CHODL: variants seen among roughly 807,000 people sequenced by gnomAD.
CHODL encodes the protein transmembrane protein MT75.
In CHODL, 29 loss-of-function variants were observed where a neutral mutation model predicts 34.5. The observed-to-expected ratio is 0.84, with a 90% CI of 0.63 to 1.15. The LOEUF is 1.15. CHODL is among the 50% of genes most tolerant of loss of function. The pLI, the probability that CHODL is intolerant of heterozygous loss-of-function variation, is 0.00. For missense variants in CHODL, 332 were observed against 332.5 expected (o/e 1.00, Z 0.01); for synonymous variants, 125 against 116.1 (o/e 1.08, Z -0.49).
chr21:17,967,465 A>G (rs1337174579), intron 1 of CHODL, among the ~76,000 whole-genome samples: 1 of 152,028 alleles, frequency 6.6e-6, no homozygotes, highest in Admixed American at 6.6e-5. Context: ...GAGTGTTTTT[A>G]TTTTCAGTTT....
intron 1 of CHODL, among the ~76,000 whole-genome samples, chr21:18,254,003 C>T (rs927130938): frequency 3.9e-5 from 6 of 152,078 alleles, no homozygotes; most frequent in African/African-American, 1.2e-4. Flanking sequence ...AGTTAATGAC[C>T]TTCCACTGAT....
At chr21:18,209,203 T>C (rs1400638478) in intron 2 of CHODL, among the ~76,000 whole-genome samples, 2 of 152,154 alleles carry the variant, frequency 1.3e-5, no homozygotes, top group Non-Finnish European at 2.9e-5. Context: ...GGTGCTCTAT[T>C]CTACTGTGGC....
intron 1 of CHODL, among the ~76,000 whole-genome samples, chr21:17,930,150 G>A (rs577109916): frequency 6.6e-6 from 1 of 152,234 alleles, no homozygotes; most frequent in East Asian, 1.9e-4. Flanking sequence ...GCACACCTCA[G>A]TGGTGGATAC....
chr21:18,179,792 C>T (rs1173956892), intron 2 of CHODL, among the ~76,000 whole-genome samples: 2 of 152,038 alleles, frequency 1.3e-5, no homozygotes, highest in Non-Finnish European at 1.5e-5. Context: ...AAAATATTTC[C>T]ATTTTTTGTC....
At chr21:18,149,643 A>T (rs1017164373) in intron 2 of CHODL, among the ~76,000 whole-genome samples, 9 of 152,196 alleles carry the variant, frequency 5.9e-5, no homozygotes, top group African/African-American at 9.6e-5. Context: ...TATCAAATTA[A>T]TTTCACATAT....
At chr21:18,205,347 G>T (rs2073700010) in intron 2 of CHODL, among the ~76,000 whole-genome samples, 1 of 152,148 alleles carries the variant, frequency 6.6e-6, no homozygotes, top group East Asian at 1.9e-4. Flanking sequence ...ATGATCATAT[G>T]GTTTTTTGAC....
intron 1 of CHODL, among the ~76,000 whole-genome samples, chr21:17,967,035 C>A (rs2063577799): frequency 6.6e-6 from 1 of 152,002 alleles, no homozygotes; most frequent in Non-Finnish European, 1.5e-5. Flanking sequence ...CAGGCACCCA[C>A]CACCATGCCT....
At position 18,266,413 on chromosome 21, in the gene CHODL, G is replaced by A. The variant is rs572257906; in HGVS notation, c.*375G>A. On this transcript the variant is annotated 3_prime_UTR_variant, in exon 6 of 6. Coordinates refer to ENST00000299295, the MANE Select transcript of CHODL (RefSeq NM_024944.3). ...TAGTCAATGTAATGTATATTGTATT[G>A]AAATTTACAGTGTGCAAAAGTATTT... 1.9e-5 allele frequency: 6 copies of A among 320,402 alleles called. No homozygotes were observed. Among genetic ancestry groups the A allele is most frequent in the Non-Finnish European group, 2.9e-5 (5 of 173,474 alleles). 19.8% of individuals were successfully genotyped at this position (320,402 alleles called of 1,614,324 possible).
rs188260841 is a variant in CHODL, at chr21:17,972,693, A to G, written c.-144-55179A>G. On this transcript the variant is annotated intron_variant, in intron 1 of 6. Coordinates refer to the CHODL transcript ENST00000400127. ...TCATGCTCGTGGATAGGAAGAATCA[A>G]TATCGTGAAAATGTCCATACTACCC... Among the ~76,000 whole-genome samples, 238 of 152,360 alleles carry G rather than the reference A, an allele frequency of 1.6e-3. 1 individual carries two copies. Among genetic ancestry groups the G allele is most frequent in the Non-Finnish European group, 2.6e-3 (177 of 68,040 alleles).
At chr21:18,220,388 A>C (rs1488269622) in intron 2 of CHODL, among the ~76,000 whole-genome samples, 1 of 151,956 alleles carries the variant, frequency 6.6e-6, no homozygotes, top group East Asian at 1.9e-4. Flanking sequence ...TTCTTGTTTT[A>C]TATATTTTTG....
chr21:17,996,106 C>T (rs755014863), intron 1 of CHODL, among the ~76,000 whole-genome samples: 2 of 151,738 alleles, frequency 1.3e-5, no homozygotes, highest in Non-Finnish European at 2.9e-5. Flanking sequence ...CTCATTTTAC[C>T]TATGGTCACA....
At chr21:18,174,367 G>T (rs139786202) in intron 2 of CHODL, among the ~76,000 whole-genome samples, 7 of 151,230 alleles carry the variant, frequency 4.6e-5, no homozygotes, top group Admixed American at 1.3e-4. Context: ...AATTGGATTC[G>T]ATATCTACTA....
At chr21:18,054,262 A>G (rs962083477) in intron 2 of CHODL, among the ~76,000 whole-genome samples, 6 of 151,984 alleles carry the variant, frequency 3.9e-5, no homozygotes, top group African/African-American at 1.4e-4. Flanking sequence ...GATGTGTGAT[A>G]GAGAACCTGT....
chr21:18,010,118 C>A (rs1292736206), intron 1 of CHODL, among the ~76,000 whole-genome samples: 27 of 61,230 alleles, frequency 4.4e-4, no homozygotes, highest in African/African-American at 8.6e-4. Flanking sequence ...TACTAAAATA[C>A]AAAAAAAAAA....
chr21:18,219,741 A>G (rs1008227090), intron 2 of CHODL, among the ~76,000 whole-genome samples: 2 of 149,376 alleles, frequency 1.3e-5, no homozygotes, highest in African/African-American at 2.5e-5. Flanking sequence ...AGATATTTCT[A>G]TTCAGTTCAT....
chr21:17,972,492 C>T (rs1311696114), intron 1 of CHODL, among the ~76,000 whole-genome samples: 1 of 152,116 alleles, frequency 6.6e-6, no homozygotes, highest in Non-Finnish European at 1.5e-5. Flanking sequence ...TTCCTATACA[C>T]CAATAATAGA....
rs746519727 is a variant in CHODL at position 18,262,790 on chromosome 21, G to T, written c.635-1G>T. 2.0e-6 allele frequency: 3 copies of T among 1,500,088 alleles called. No individual in the cohort carries two copies. Among genetic ancestry groups the T allele is most frequent in the Non-Finnish European group, 2.8e-6 (3 of 1,080,014 alleles). 92.9% of individuals were successfully genotyped at this position (1,500,088 alleles called of 1,614,324 possible). A position where few individuals can be genotyped will look rare whatever the true frequency, so the allele number is the denominator to read the frequency against. On this transcript the variant is annotated splice_acceptor_variant, in intron 4 of 5. Transcript: ENST00000299295. LOFTEE classifies it high-confidence loss of function. ...CACATGAAGACTGTTTTATTTTGTA[G>T]GTATAATTCCCAATCTAATTTATGT...
chr21:18,213,150 T>C (rs770230112), intron 2 of CHODL, among the ~76,000 whole-genome samples: 1 of 152,174 alleles, frequency 6.6e-6, no homozygotes, highest in South Asian at 2.1e-4. Flanking sequence ...AATGATTTGA[T>C]CGAAGATACA....
chr21:17,971,153 T>C (rs1000563233), intron 1 of CHODL, among the ~76,000 whole-genome samples: 4 of 152,222 alleles, frequency 2.6e-5, no homozygotes, highest in Non-Finnish European at 4.4e-5. Flanking sequence ...TTTGGGTTGG[T>C]TCCAAGTCTT....
Sources: allele counts gnomAD v4.1 joint callset (sites outside exome capture counted in the v4.1 genomes callset), GRCh38; gene constraint gnomAD v4.1.1; transcripts MANE v1.5; gene names NCBI Gene and HGNC (gene_info 2026-07-23, HGNC 2026-07-21).